The following NYAP2 variants were observed in gnomAD, a reference collection of about 807,000 sequenced individuals.
NYAP2 encodes neuronal tyrosine-phosphorylated phosphoinositide-3-kinase adaptor 2, also known as neuronal tyrosine-phosphorylated phosphoinositide-3-kinase adapter 2.
In NYAP2, 23 loss-of-function variants were observed where a neutral mutation model predicts 50.4. The observed-to-expected ratio is 0.46, with a 90% CI of 0.33 to 0.65. NYAP2 has a LOEUF of 0.65. Among genes scored for constraint, NYAP2 ranks in the 30% least tolerant of loss-of-function variants. NYAP2 has a pLI of 0.02. For missense variants in NYAP2, 885 were observed against 861.0 expected, an observed-to-expected ratio of 1.03 and a Z score of -0.35; for synonymous variants, 394 against 365.2, an observed-to-expected ratio of 1.08 and a Z score of -0.90.
the NYAP2 span, among the ~76,000 whole-genome samples, chr2:225,664,655 T>C: frequency 1.3e-5 from 2 of 151,858 alleles, no homozygotes; most frequent in Non-Finnish European, 2.9e-5. Context: ...GATCACGAGG[T>C]CAGGAGATCG....
intron 3 of NYAP2, among the ~76,000 whole-genome samples, chr2:225,457,149 A>T (rs143764862): frequency 6.6e-6 from 1 of 152,210 alleles, no homozygotes; most frequent in Non-Finnish European, 1.5e-5. Context: ...GTCCTACGCT[A>T]TGCGGAGTGA....
At chr2:225,615,307 C>T (rs1420773207) in intron 5 of NYAP2, among the ~76,000 whole-genome samples, 1 of 152,078 alleles carries the variant, frequency 6.6e-6, no homozygotes, top group Non-Finnish European at 1.5e-5. Flanking sequence ...CTCTGCCCTG[C>T]AATACTAGAA....
chr2:225,457,172 T>C (rs1157973862), intron 3 of NYAP2, among the ~76,000 whole-genome samples: 1 of 152,208 alleles, frequency 6.6e-6, no homozygotes, highest in African/African-American at 2.4e-5. Context: ...GCAATGTACA[T>C]CCTGTGCTTT....
At position 225,540,347 on chromosome 2, in the gene NYAP2, G is replaced by T. The variant is rs373269548; in HGVS notation, c.523+26675G>T. 1.5e-4 allele frequency among the ~76,000 whole-genome samples: 23 copies of T among 152,284 alleles called. No individual in the cohort carries two copies. The East Asian group carries it at 2.7e-3, about 18-fold the overall frequency. On this transcript the variant is annotated intron_variant, in intron 4 of 6. Coordinates refer to ENST00000636099, the Ensembl canonical transcript of NYAP2. Reference sequence around the variant, plus strand: ...ACTTGAGACTGGGCAATTTATAAAAGAAAGAGTTTTATTGGACTTACAGTT... The same window carrying T: ...ACTTGAGACTGGGCAATTTATAAAATAAAGAGTTTTATTGGACTTACAGTT...
chr2:225,543,190 C>T (rs1045333570), intron 4 of NYAP2, among the ~76,000 whole-genome samples: 4 of 151,744 alleles, frequency 2.6e-5, no homozygotes, highest in Admixed American at 2.6e-4. Context: ...ACACCTTTAT[C>T]TTTTTAAAAA....
chr2:225,500,672 A>C (rs1690589310), intron 3 of NYAP2, among the ~76,000 whole-genome samples: 1 of 152,212 alleles, frequency 6.6e-6, no homozygotes, highest in Non-Finnish European at 1.5e-5. Flanking sequence ...ATGTTTGGGA[A>C]GGGCGAATGC....
chr2:225,436,941 G>A (rs1689389619), intron 3 of NYAP2, among the ~76,000 whole-genome samples: 1 of 151,982 alleles, frequency 6.6e-6, no homozygotes, highest in South Asian at 2.1e-4. Context: ...GTGGGGCTGA[G>A]GGACTTGATA....
intron 5 of NYAP2, among the ~76,000 whole-genome samples, chr2:225,620,421 GCACACGCACGCACACACGC>G: frequency 3.4e-5 from 1 of 29,472 alleles, no homozygotes; most frequent in Middle Eastern, 0.018. Context: ...ACACATGCAC[GCACACGCACGCACACACGC>G]ACGCACACGC....
the NYAP2 span, among the ~76,000 whole-genome samples, chr2:225,682,840 A>G: frequency 6.6e-6 from 1 of 152,254 alleles, no homozygotes; most frequent in East Asian, 1.9e-4. Flanking sequence ...AATTGTAGGC[A>G]ATGAGATCAT....
chr2:225,602,087 T>C (rs941831565), intron 5 of NYAP2, among the ~76,000 whole-genome samples: 1 of 152,086 alleles, frequency 6.6e-6, no homozygotes, highest in African/African-American at 2.4e-5. Flanking sequence ...CTCTCTGCAG[T>C]GAAGAGGGGG....
At chr2:225,644,301 C>A (rs1262462497) in intron 6 of NYAP2, among the ~76,000 whole-genome samples, 1 of 151,780 alleles carries the variant, frequency 6.6e-6, no homozygotes, top group African/African-American at 2.4e-5. Flanking sequence ...TGTTTTTTTC[C>A]TGTAAATTTG....
At chr2:225,596,211 C>T (rs1692593830) in intron 5 of NYAP2, among the ~76,000 whole-genome samples, 1 of 152,068 alleles carries the variant, frequency 6.6e-6, no homozygotes, top group African/African-American at 2.4e-5. Flanking sequence ...TGTTTATTTC[C>T]ATGCAATAGG....
intron 4 of NYAP2, among the ~76,000 whole-genome samples, chr2:225,514,874 G>T (rs140119976): frequency 6.6e-6 from 1 of 152,080 alleles, no homozygotes; most frequent in Non-Finnish European, 1.5e-5. Context: ...TATATTTGCC[G>T]CAGAGAGCCA....
intron 6 of NYAP2, 43 bp downstream of exon 6, chr2:225,627,169 T>C (rs1693225392): frequency 3.6e-6 from 5 of 1,396,940 alleles, no homozygotes; most frequent in East Asian, 5.0e-5. Flanking sequence ...TCCTCCTGTC[T>C]CTAGAGACTA....
At chr2:225,563,743 T>G (rs2106217306) in intron 4 of NYAP2, among the ~76,000 whole-genome samples, 1 of 152,264 alleles carries the variant, frequency 6.6e-6, no homozygotes. Context: ...ATATTCAAAT[T>G]CAAATTCAAA....
chr2:225,530,434 T>C (rs1691233104), intron 4 of NYAP2, among the ~76,000 whole-genome samples: 1 of 152,240 alleles, frequency 6.6e-6, no homozygotes, highest in Non-Finnish European at 1.5e-5. Context: ...AATGTTGTCC[T>C]TTTATCCCTA....
chr2:225,669,185 G>T, the NYAP2 span, among the ~76,000 whole-genome samples: 14 of 151,790 alleles, frequency 9.2e-5, no homozygotes, highest in African/African-American at 3.4e-4. Context: ...TAAAGCATGT[G>T]GTACATGAAC....
At chr2:225,409,660 T>C (rs1695000728) in intron 3 of NYAP2, among the ~76,000 whole-genome samples, 1 of 152,110 alleles carries the variant, frequency 6.6e-6, no homozygotes. Context: ...GGAATTACTT[T>C]TATGATGCAA....
chr2:225,472,740 G>A (rs1690032095), intron 3 of NYAP2, among the ~76,000 whole-genome samples: 1 of 152,064 alleles, frequency 6.6e-6, no homozygotes, highest in African/African-American at 2.4e-5. Flanking sequence ...GAAAGAAATT[G>A]GATGGGATAT....
Sources: allele counts gnomAD v4.1 joint callset (sites outside exome capture counted in the v4.1 genomes callset), GRCh38; gene constraint gnomAD v4.1.1; transcripts MANE v1.5; gene names NCBI Gene and HGNC (gene_info 2026-07-23, HGNC 2026-07-21).